Variants in HNF4G observed in about 807,000 individuals in gnomAD.
HNF4G encodes the protein hepatocyte nuclear factor 4 gamma.
HNF4G carries 21 observed loss-of-function variants against 50.9 expected under a neutral mutation model. The ratio of observed to expected loss-of-function variants is 0.41; its 90% CI spans 0.29 to 0.59. The LOEUF (loss-of-function observed/expected upper bound fraction) is 0.59. Ranked by LOEUF, HNF4G falls within the 20% of genes least tolerant of loss-of-function variation. The pLI, the probability that HNF4G is intolerant of heterozygous loss-of-function variation, is 0.26. For missense variants in HNF4G, 527 were observed against 559.4 expected (o/e 0.94, Z 0.58); for synonymous variants, 198 against 185.6 (o/e 1.07, Z -0.54).
intron 2 of HNF4G, 69 bp from the exon 3 acceptor site, chr8:75,547,518 A>G (rs1238179384): frequency 4.6e-6 from 5 of 1,095,556 alleles, no homozygotes; most frequent in Non-Finnish European, 6.9e-6. Flanking sequence ...TTTAAAATCC[A>G]TTTGTCTGTT....
chr8:75,465,797 A>G (rs1192043322), intron 1 of HNF4G, among the ~76,000 whole-genome samples: 1 of 152,210 alleles, frequency 6.6e-6, no homozygotes, highest in Non-Finnish European at 1.5e-5. Context: ...AAAGTTTACC[A>G]GGACATGTTT....
chr8:75,505,486 T>C (rs78947179), intron 2 of HNF4G, among the ~76,000 whole-genome samples: 2,050 of 152,230 alleles, frequency 0.013, 48 homozygotes, highest in African/African-American at 0.043. Context: ...AGTACAAAGG[T>C]CTCAAAAGTT....
At chr8:75,526,109 T>TTAATTA (rs1806172278) in intron 2 of HNF4G, among the ~76,000 whole-genome samples, 1 of 78,252 alleles carries the variant, frequency 1.3e-5, no homozygotes, top group African/African-American at 5.1e-5. Flanking sequence ...TGCTCAAATT[T>TTAATTA]ATTTATTTAT....
chr8:75,561,238 T>G (rs1807303292), intron 9 of HNF4G, among the ~76,000 whole-genome samples: 1 of 152,192 alleles, frequency 6.6e-6, no homozygotes, highest in Admixed American at 6.5e-5. Flanking sequence ...CACATCCAGC[T>G]TTCTCATTTA....
intron 2 of HNF4G, among the ~76,000 whole-genome samples, chr8:75,520,923 A>C (rs1806023481): frequency 6.6e-6 from 1 of 152,054 alleles, no homozygotes; most frequent in South Asian, 2.1e-4. Context: ...ACAGATTATA[A>C]ATATTTTTAA....
At position 75,558,902 on chromosome 8, in the gene HNF4G, G is replaced by A; in HGVS notation, c.988G>A (p.Gly330Arg). 1.9e-6 allele frequency: 3 copies of A among 1,613,984 alleles called. No individual in the cohort carries two copies. Among genetic ancestry groups the A allele is most frequent in the Non-Finnish European group, 2.5e-6 (3 of 1,179,902 alleles). Residue 330 changes from glycine to arginine, a missense_variant, in exon 8 of 10, where the codon GGG becomes AGG. Around this residue, in one of 5 missense-constraint regions of HNF4G, gnomAD observed 308 missense variants for 301.5 expected, o/e 1.02. Coordinates refer to ENST00000396423, the MANE Select transcript of HNF4G (RefSeq NM_004133.5). ...YINDRQYDSRGRFGELLLLLP... is the reference protein window; with the variant it reads ...YINDRQYDSRRRFGELLLLLP... ...CAATGATCGGCAGTATGACTCCCGGGGGAGGTTTGGAGAGTTGCTTCTGCT... is the reference window on the plus strand; with the variant it reads ...CAATGATCGGCAGTATGACTCCCGGAGGAGGTTTGGAGAGTTGCTTCTGCT...
At chr8:75,534,881 T>C (rs897912115), upstream of HNF4G, among the ~76,000 whole-genome samples, 11 of 151,808 alleles carry the variant, frequency 7.2e-5, no homozygotes, top group Admixed American at 2.0e-4. Flanking sequence ...AATAAAACTA[T>C]GTAAGCAAAG....
At chr8:75,563,474 C>T (rs1026895331) in intron 9 of HNF4G, among the ~76,000 whole-genome samples, 15 of 149,938 alleles carry the variant, frequency 1.0e-4, no homozygotes, top group African/African-American at 2.7e-4. Flanking sequence ...TTGACTACAA[C>T]TTAGATTTCA....
At chr8:75,475,879 G>A (rs1358947187) in intron 1 of HNF4G, among the ~76,000 whole-genome samples, 1 of 152,038 alleles carries the variant, frequency 6.6e-6, no homozygotes, top group Non-Finnish European at 1.5e-5. Context: ...CGACAATAAC[G>A]TACTTTCAAT....
At chr8:75,434,309 C>T (rs997656637) in intron 1 of HNF4G, among the ~76,000 whole-genome samples, 1 of 152,086 alleles carries the variant, frequency 6.6e-6, no homozygotes, top group East Asian at 1.9e-4. Flanking sequence ...GCCTAAATAA[C>T]TTATGTTTCC....
At chr8:75,423,023 T>G (rs1459811097) in intron 1 of HNF4G, among the ~76,000 whole-genome samples, 1 of 152,182 alleles carries the variant, frequency 6.6e-6, no homozygotes, top group East Asian at 1.9e-4. Flanking sequence ...TCTGCTGGGC[T>G]TAATTGCAAT....
intron 1 of HNF4G, among the ~76,000 whole-genome samples, chr8:75,428,186 A>G (rs1810929757): frequency 6.6e-6 from 1 of 152,178 alleles, no homozygotes; most frequent in Non-Finnish European, 1.5e-5. Context: ...ATGCTGCATC[A>G]TTTAAATCTA....
At chr8:75,420,580 A>T (rs1810753171) in intron 1 of HNF4G, among the ~76,000 whole-genome samples, 1 of 152,198 alleles carries the variant, frequency 6.6e-6, no homozygotes, top group African/African-American at 2.4e-5. Context: ...ATTTGTGTTC[A>T]ATATTCCTTC....
At chr8:75,556,848 T>C (rs1482991005) in intron 6 of HNF4G, among the ~76,000 whole-genome samples, 5 of 152,228 alleles carry the variant, frequency 3.3e-5, no homozygotes, top group African/African-American at 4.8e-5. Flanking sequence ...AGGTTTACTA[T>C]GTAAATGCAC....
At chr8:75,502,156 G>C (rs1812945836) in intron 2 of HNF4G, among the ~76,000 whole-genome samples, 1 of 152,062 alleles carries the variant, frequency 6.6e-6, no homozygotes, top group African/African-American at 2.4e-5. Flanking sequence ...TGGCCCTGAA[G>C]TCTATGTTCT....
chr8:75,463,962 C>T lies in HNF4G; in HGVS notation c.-143-26127C>T, dbSNP rs143231310. 2.7e-3 allele frequency among the ~76,000 whole-genome samples: 416 copies of T among 151,810 alleles called. 1 individual carries two copies. Among genetic ancestry groups the T allele is most frequent in the African/African-American group, 9.0e-3 (372 of 41,436 alleles). On this transcript the variant is annotated intron_variant, in intron 1 of 10. Transcript: ENST00000354370. ...GCTAATTTTGTATTTTTCATAGAGA[C>T]GGGGTTTCTCCATGTTGGTCAGGCT...
At chr8:75,526,071 C>A (rs1056793099) in intron 2 of HNF4G, among the ~76,000 whole-genome samples, 2 of 151,914 alleles carry the variant, frequency 1.3e-5, no homozygotes, top group Non-Finnish European at 2.9e-5. Flanking sequence ...TCATTATTTG[C>A]AGATTCCATA....
intron 1 of HNF4G, among the ~76,000 whole-genome samples, chr8:75,488,663 G>A (rs1812550557): frequency 6.6e-6 from 1 of 152,146 alleles, no homozygotes; most frequent in Non-Finnish European, 1.5e-5. Flanking sequence ...GATTAATATA[G>A]CAAATTCTTC....
At chr8:75,451,397 A>G (rs570033441) in intron 1 of HNF4G, among the ~76,000 whole-genome samples, 22 of 145,210 alleles carry the variant, frequency 1.5e-4, no homozygotes, top group Non-Finnish European at 3.3e-4. Context: ...AGCCATATCC[A>G]AAAAAAAAAA....
Sources: allele counts gnomAD v4.1 joint callset (sites outside exome capture counted in the v4.1 genomes callset), GRCh38; gene constraint gnomAD v4.1.1; regional missense constraint gnomAD v4.1.1; transcripts MANE v1.5; gene names NCBI Gene and HGNC (gene_info 2026-07-23, HGNC 2026-07-21).